ERMARD: variants seen among roughly 807,000 people sequenced by gnomAD.
ERMARD encodes ER membrane associated RNA degradation.
ERMARD carries 71 observed loss-of-function variants against 83.9 expected under a neutral mutation model. The observed-to-expected ratio is 0.85, with a 90% CI of 0.70 to 1.03. The LOEUF is 1.03. ERMARD is among the 50% of genes least tolerant of loss of function. The probability of loss-of-function intolerance (pLI) is 0.00; values close to 1 mark genes in which losing one functional copy is unlikely to be tolerated. For synonymous variants in ERMARD, 284 were observed against 298.6 expected (o/e 0.95, Z 0.50); for missense variants, 838 against 810.9 (o/e 1.03, Z -0.41).
intron 5 of ERMARD, among the ~76,000 whole-genome samples, chr6:169,757,371 T>C (rs1790949691): frequency 6.6e-6 from 1 of 152,182 alleles, no homozygotes; most frequent in Non-Finnish European, 1.5e-5. Context: ...TGAATAACTC[T>C]GGGGCACCAC....
In ERMARD at chr6:169,775,264, TC is replaced by T; in HGVS notation, c.1318-3del. 1 of 1,613,776 alleles carries T rather than the reference TC, an allele frequency of 6.2e-7. No individual in the cohort carries two copies. The highest frequency in any genetic ancestry group is 8.5e-7 in the Non-Finnish European group (1 of 1,179,916). On this transcript the variant is annotated splice_region_variant and splice_polypyrimidine_tract_variant and intron_variant, in intron 13 of 17. Transcript: ENST00000366773. Reference sequence around the variant, plus strand: ...TCTACAAAAGCAATAAAACATTTCCTCCCAGGTGCTGAGCTGTGAGGAGAGC... The same window carrying T: ...TCTACAAAAGCAATAAAACATTTCCTCCAGGTGCTGAGCTGTGAGGAGAGC...
At chr6:169,751,428 T>C, upstream of ERMARD, 1 of 1,614,104 alleles carries the variant, frequency 6.2e-7, no homozygotes, top group Non-Finnish European at 8.5e-7. Flanking sequence ...TGGATGGGGC[T>C]CGACTTCACG....
At chr6:169,762,363 C>T in intron 8 of ERMARD, 66 bp from the exon 9 acceptor site, 2 of 1,459,968 alleles carry the variant, frequency 1.4e-6, no homozygotes, top group South Asian at 2.4e-5. Flanking sequence ...GCATGAGCCA[C>T]TGCACCTGGC....
intron 9 of ERMARD, among the ~76,000 whole-genome samples, chr6:169,764,283 G>C (rs888288427): frequency 3.3e-5 from 2 of 61,260 alleles, no homozygotes; most frequent in African/African-American, 1.3e-4. Context: ...TTTTTTTTTT[G>C]AGGCAGGGTC....
At chr6:169,751,972 G>A (rs990612709) in intron 1 of ERMARD, 2 of 427,410 alleles carry the variant, frequency 4.7e-6, no homozygotes, top group Non-Finnish European at 8.2e-6. Flanking sequence ...CGCGGGGGCG[G>A]AAAGCCGCAG....
At position 169,762,465 on chromosome 6, in the gene ERMARD, G is replaced by A. The variant is rs1329825693; in HGVS notation, c.894G>A (p.Leu298=). The A allele has an allele frequency of 6.2e-7, 1 of 1,614,022 alleles. No homozygotes were observed. The highest frequency in any genetic ancestry group is 8.5e-7 in the Non-Finnish European group (1 of 1,180,026). ...ADCAILLLTQ[L]ETGLRNVFAT... is the part of the protein sequence containing the mutation. ...GCGCCATATTGTTGCTGACACAACT[G>A]GAGACTGGACTTAGGAATGTTTTTG... The change falls in exon 9 of 18, where the codon CTG becomes CTA. Residue 298 remains leucine, a synonymous_variant. Transcript: ENST00000366773.
At chr6:169,762,019 A>G (rs1791617672) in intron 8 of ERMARD, among the ~76,000 whole-genome samples, 1 of 150,982 alleles carries the variant, frequency 6.6e-6, no homozygotes, top group African/African-American at 2.4e-5. Flanking sequence ...AAGTATTATC[A>G]TTTCTCTTTG....
intron 13 of ERMARD, among the ~76,000 whole-genome samples, chr6:169,774,253 C>T (rs769025512): frequency 6.6e-6 from 1 of 152,164 alleles, no homozygotes; most frequent in Non-Finnish European, 1.5e-5. Flanking sequence ...AAGGAAAATA[C>T]GGTCAGAAGG....
intron 9 of ERMARD, among the ~76,000 whole-genome samples, chr6:169,763,780 G>A (rs914967): frequency 0.58 from 88,714 of 152,198 alleles, 29,181 homozygotes; most frequent in East Asian, 0.98. Flanking sequence ...TTTGAACCCA[G>A]TGAAAATGAA....
chr6:169,759,899 C>G lies in ERMARD; in HGVS notation c.667C>G (p.Gln223Glu). ...GLGQLLKSYL[Q>E]NTKLTLAHRS... ...GGGTCAGTTACTGAAGAGTTACCTT[C>G]AAAACACTAAACTTACATTGGCACA... is the stretch of plus-strand genomic sequence containing the variant. The change falls in exon 7 of 18, where the codon CAA becomes GAA. Residue 223 changes from glutamine (Q) to glutamate (E), a missense_variant. Physicochemically the swap from Gln to Glu is conservative, Grantham distance 29. Transcript: ENST00000366773. The G allele has an allele frequency of 6.2e-7, 1 of 1,614,214 alleles. No individual in the cohort carries two copies. Among genetic ancestry groups the G allele is most frequent in the Non-Finnish European group, 8.5e-7 (1 of 1,180,038 alleles).
rs553831450 is a variant in ERMARD at position 169,751,649 on chromosome 6, C to T, written c.-9C>T. On this transcript the variant is annotated 5_prime_UTR_variant, in exon 1 of 18. Transcript: ENST00000366773. ...CATTCACGCGCGCCGCAGCGGGGCACCGGAAGTTATGGAGGTAGGGCGGGT... is the reference window on the plus strand; with the variant it reads ...CATTCACGCGCGCCGCAGCGGGGCATCGGAAGTTATGGAGGTAGGGCGGGT... 3.8e-6 allele frequency: 6 copies of T among 1,564,376 alleles called. No individual in the cohort carries two copies. Among genetic ancestry groups the T allele is most frequent in the Middle Eastern group, 1.7e-4 (1 of 5,886 alleles).
chr6:169,768,160 G>C lies in ERMARD; in HGVS notation c.1048G>C (p.Glu350Gln). 6.2e-7 allele frequency: 1 copy of C among 1,613,978 alleles called. No homozygotes were observed. The highest frequency in any genetic ancestry group is 8.5e-7 in the Non-Finnish European group (1 of 1,179,890). Residue 350 changes from glutamate to glutamine, a missense_variant, in exon 11 of 18, where the codon GAG becomes CAG. Transcript: ENST00000366773. ...KINQLPLFLG[E>Q]PAMEFLWDFL... ...CAATCAGCTTCCTCTTTTCCTTGGAGAGCCTGCTATGGTAAGTATTAGGTA... is the reference window on the plus strand; with the variant it reads ...CAATCAGCTTCCTCTTTTCCTTGGACAGCCTGCTATGGTAAGTATTAGGTA...
intron 13 of ERMARD, among the ~76,000 whole-genome samples, chr6:169,774,977 G>C (rs1793408629): frequency 6.6e-6 from 1 of 152,188 alleles, no homozygotes; most frequent in Non-Finnish European, 1.5e-5. Flanking sequence ...CCAGTCGCCA[G>C]AGCTCGTGCA....
Position 169,781,463 on chromosome 6 carries a change from C to A in ERMARD, c.1987C>A (p.Gln663Lys). 6.2e-7 allele frequency: 1 copy of A among 1,610,168 alleles called. No homozygotes were observed. Among genetic ancestry groups the A allele is most frequent in the Non-Finnish European group, 8.5e-7 (1 of 1,178,654 alleles). ...LKMWTFSEKK[Q>K]MLIHLAKKST... ...AATGTGGACTTTTAGTGAGAAGAAA[C>A]AAATGTTAATACATTTAGCCAAGAA... The change falls in exon 18 of 18, where the codon CAA becomes AAA. Residue 663 changes from glutamine to lysine, a missense_variant. Transcript: ENST00000366773.
At chr6:169,779,913 C>T (rs1402959905) in intron 17 of ERMARD, among the ~76,000 whole-genome samples, 5 of 152,164 alleles carry the variant, frequency 3.3e-5, no homozygotes, top group East Asian at 3.9e-4. Flanking sequence ...AGGAGGCTTC[C>T]GGGCAGAGGT....
intron 11 of ERMARD, among the ~76,000 whole-genome samples, chr6:169,768,705 G>T (rs1342082814): frequency 1.3e-5 from 2 of 152,184 alleles, no homozygotes; most frequent in Non-Finnish European, 2.9e-5. Flanking sequence ...GGCAGAGGTT[G>T]CAGTGAGCTG....
intron 11 of ERMARD, 98 bp from the exon 12 acceptor site, chr6:169,769,442 A>G: frequency 8.7e-7 from 1 of 1,148,894 alleles, no homozygotes; most frequent in Non-Finnish European, 1.2e-6. Context: ...GCTTCAGAGG[A>G]CTTGATGGAT....
intron 16 of ERMARD, 111 bp downstream of exon 16, chr6:169,776,784 A>T: frequency 7.9e-7 from 1 of 1,268,734 alleles, no homozygotes; most frequent in East Asian, 2.5e-5. Flanking sequence ...ACTGAACCCC[A>T]TCGACAGGTG....
Position 169,766,665 on chromosome 6 carries a change from C to T in ERMARD, c.988C>T (p.Gln330Ter). 1 of 1,572,728 alleles carries T rather than the reference C, an allele frequency of 6.4e-7. No individual in the cohort carries two copies. The highest frequency in any genetic ancestry group is 8.6e-7 in the Non-Finnish European group (1 of 1,168,888). ...AACAGCTCTTTATACCACCTTTGAT[C>T]AAGTAAGTAAGTAAACTTGTAAGGT... ...ESTALYTTFD[Q>*]ILAKHLNDGK... Residue 330 changes from glutamine to a stop codon, truncating the protein, a stop_gained and splice_region_variant, in exon 10 of 18, where the codon CAA becomes TAA. Transcript: ENST00000366773. LOFTEE classifies it high-confidence loss of function.
Sources: allele counts gnomAD v4.1 joint callset (sites outside exome capture counted in the v4.1 genomes callset), GRCh38; gene constraint gnomAD v4.1.1; transcripts MANE v1.5; gene names NCBI Gene and HGNC (gene_info 2026-07-23, HGNC 2026-07-21).